NEO1: variants seen among roughly 807,000 people sequenced by gnomAD.
NEO1 encodes the protein neogenin.
NEO1 carries 63 observed loss-of-function variants against 159.7 expected under a neutral mutation model. The observed-to-expected ratio is 0.39, with a 90% CI of 0.32 to 0.49. The LOEUF (loss-of-function observed/expected upper bound fraction) is 0.49. Ranked by LOEUF, NEO1 falls within the 20% of genes least tolerant of loss-of-function variation. The pLI, the probability that NEO1 is intolerant of heterozygous loss-of-function variation, is 0.85. For missense variants in NEO1, 1,615 were observed against 1,831.0 expected (o/e 0.88, Z 2.15); for synonymous variants, 633 against 662.0 (o/e 0.96, Z 0.67).
intron 1 of NEO1, among the ~76,000 whole-genome samples, chr15:73,057,380 A>G (rs2067759352): frequency 6.6e-6 from 1 of 152,062 alleles, no homozygotes; most frequent in South Asian, 2.1e-4. Context: ...TTTTTTCCAA[A>G]CACTTTATTT....
At chr15:73,182,435 G>A (rs1002675496) in intron 7 of NEO1, among the ~76,000 whole-genome samples, 5 of 152,126 alleles carry the variant, frequency 3.3e-5, no homozygotes, top group African/African-American at 1.2e-4. Context: ...AATCTACAAC[G>A]TCACAGGTTC....
chr15:73,223,523 C>G (rs983110357), intron 7 of NEO1, among the ~76,000 whole-genome samples: 2 of 152,282 alleles, frequency 1.3e-5, no homozygotes, highest in African/African-American at 4.8e-5. Flanking sequence ...AGGCCTTTTA[C>G]CATTATATAA....
At chr15:73,229,163 CTATT>C (rs1359678615) in intron 7 of NEO1, among the ~76,000 whole-genome samples, 1 of 152,042 alleles carries the variant, frequency 6.6e-6, no homozygotes, top group Non-Finnish European at 1.5e-5. Context: ...CATGGACTAT[CTATT>C]TATTTAGATC....
Position 73,116,581 on chromosome 15 carries a change from G to T in NEO1, c.172G>T (p.Glu58Ter). ...RTFTPFYFLV[E>*]PVDTLSVRGS... ...GTTCACTCCATTTTATTTTCTGGTG[G>T]AGCCGGTGGATACACTCTCAGTTAG... The change falls in exon 2 of 29, where the codon GAG (glutamate) becomes TAG (stop). Residue 58 changes from glutamate (E) to a stop codon, truncating the protein, a stop_gained. Transcript: ENST00000261908. LOFTEE classifies it high-confidence loss of function. 1 of 1,550,014 alleles carries T rather than the reference G, an allele frequency of 6.5e-7. No homozygotes were observed. The highest frequency in any genetic ancestry group is 1.3e-5 in the South Asian group (1 of 79,482).
rs1278425681 is a variant in NEO1, at chr15:73,068,244, A to G, written c.130+15439A>G. The stretch of plus-strand genomic sequence containing the variant: ...CCCTACCCCCCCCCCTTTTTTTTTG[A>G]GACAGTGTCTCACTGCACCCAGGCT... On this transcript the variant is annotated intron_variant, in intron 1 of 28. Coordinates refer to ENST00000261908, the MANE Select transcript of NEO1 (RefSeq NM_002499.4). Among the ~76,000 whole-genome samples the G allele has an allele frequency of 9.0e-5, 3 of 33,320 alleles. No homozygotes were observed. The East Asian group carries it at 2.1e-3, about 24-fold the overall frequency. The allele number at this position is 33,320 out of a possible 152,430, so 21.9% of individuals were successfully genotyped here. A position where few individuals can be genotyped will look rare whatever the true frequency, so the allele number is the denominator to read the frequency against.
chr15:73,288,096 C>T (rs1007207320), intron 23 of NEO1, among the ~76,000 whole-genome samples: 6 of 152,168 alleles, frequency 3.9e-5, no homozygotes, highest in African/African-American at 1.4e-4. Flanking sequence ...TGGTAAGTAT[C>T]TCTAAATATG....
At chr15:73,118,777 G>A (rs1447762755) in intron 2 of NEO1, among the ~76,000 whole-genome samples, 4 of 152,108 alleles carry the variant, frequency 2.6e-5, no homozygotes, top group Non-Finnish European at 5.9e-5. Flanking sequence ...TAGTGCCCAA[G>A]CTAAGGGATT....
intron 7 of NEO1, 28 bp downstream of exon 7, chr15:73,178,455 T>C (rs2035405611): frequency 1.2e-6 from 2 of 1,611,600 alleles, no homozygotes; most frequent in South Asian, 2.2e-5. Flanking sequence ...AGTCAGATGA[T>C]AGAGGCTGTG....
intron 22 of NEO1, among the ~76,000 whole-genome samples, chr15:73,281,319 A>G (rs1198743650): frequency 6.7e-6 from 1 of 149,042 alleles, no homozygotes; most frequent in Admixed American, 6.7e-5. Context: ...GCATGGCGCG[A>G]TCTCCGCTCA....
chr15:73,079,072 GA>G (rs1264130125), intron 1 of NEO1, among the ~76,000 whole-genome samples: 2 of 152,186 alleles, frequency 1.3e-5, no homozygotes, highest in Non-Finnish European at 2.9e-5. Context: ...AGAAAGGAAA[GA>G]AGCTCTTTTT....
At chr15:73,145,322 A>C (rs141253152) in intron 5 of NEO1, among the ~76,000 whole-genome samples, 1 of 152,216 alleles carries the variant, frequency 6.6e-6, no homozygotes, top group South Asian at 2.1e-4. Flanking sequence ...GGGGATTCTC[A>C]TACACTGCTG....
intron 1 of NEO1, among the ~76,000 whole-genome samples, chr15:73,056,555 A>G (rs2067704068): frequency 6.6e-6 from 1 of 152,128 alleles, no homozygotes; most frequent in African/African-American, 2.4e-5. Context: ...CTGAATGTTG[A>G]ATTGCCTTTG....
Position 73,298,703 on chromosome 15 carries a change from T to C in NEO1, c.4165+92T>C, listed in dbSNP as rs941005437. The C allele has an allele frequency of 4.0e-6, 6 of 1,508,588 alleles. No individual in the cohort carries two copies. In the African/African-American group the frequency reaches 4.1e-5, roughly 10 times the overall value. The allele number at this position is 1,508,588 out of a possible 1,614,324, so 93.5% of individuals were successfully genotyped here. The stretch of plus-strand genomic sequence containing the variant: ...ACAAAGCCACCCCTTCTTTGAAGTA[T>C]AGCAAAGCAAATATCCTCCAAGCCT... On this transcript the variant is annotated intron_variant, in intron 27 of 28. Coordinates refer to ENST00000261908, the MANE Select transcript of NEO1 (RefSeq NM_002499.4).
At chr15:73,293,363 A>C in intron 25 of NEO1, 27 bp from the exon 26 acceptor site, 1 of 1,612,828 alleles carries the variant, frequency 6.2e-7, no homozygotes, top group East Asian at 2.2e-5. Flanking sequence ...CATGTTAAGC[A>C]TTTCTCTGTC....
intron 5 of NEO1, among the ~76,000 whole-genome samples, chr15:73,138,617 G>A (rs1349833826): frequency 2.0e-5 from 3 of 152,088 alleles, no homozygotes; most frequent in Non-Finnish European, 2.9e-5. Flanking sequence ...ATTAGCCGGC[G>A]TAGTGGCGGC....
intron 26 of NEO1, among the ~76,000 whole-genome samples, chr15:73,297,548 C>A (rs2042422842): frequency 6.6e-6 from 1 of 152,206 alleles, no homozygotes; most frequent in Non-Finnish European, 1.5e-5. Context: ...GTGACTTTGT[C>A]AAATTCACCC....
intron 20 of NEO1, among the ~76,000 whole-genome samples, chr15:73,274,257 A>G (rs1036840410): frequency 2.0e-5 from 3 of 152,196 alleles, no homozygotes; most frequent in East Asian, 1.9e-4. Flanking sequence ...GGGCAGATCA[A>G]TTGCAGTGAT....
At chr15:73,256,787 A>T (rs1347886286) in intron 13 of NEO1, among the ~76,000 whole-genome samples, 1 of 151,928 alleles carries the variant, frequency 6.6e-6, no homozygotes, top group African/African-American at 2.4e-5. Flanking sequence ...TTGGCCACAG[A>T]TGTTCTCAAA....
At chr15:73,130,317 G>A (rs866308417) in intron 4 of NEO1, among the ~76,000 whole-genome samples, 3 of 109,968 alleles carry the variant, frequency 2.7e-5, no homozygotes, top group Non-Finnish European at 6.5e-5. Flanking sequence ...CGCCCCCCCC[G>A]CCGCATAAGA....
Sources: gnomAD v4.1 joint callset for allele counts (sites outside exome capture counted in the v4.1 genomes callset) on GRCh38, gnomAD v4.1.1 for gene constraint, MANE v1.5 for transcripts, NCBI Gene and HGNC (gene_info 2026-07-23, HGNC 2026-07-21) for gene names.